The following MED13L variants were observed in gnomAD, a reference collection of about 807,000 sequenced individuals.
MED13L encodes mediator of RNA polymerase II transcription subunit 13-like.
A neutral mutation model predicts 220.9 loss-of-function variants in MED13L; 7 were observed. The observed-to-expected ratio is 0.03, with a 90% CI of 0.02 to 0.06. MED13L has a LOEUF of 0.06. MED13L is among the 10% of genes least tolerant of loss of function. The probability of loss-of-function intolerance (pLI) is 1.00; values close to 1 mark genes in which losing one functional copy is unlikely to be tolerated. For missense variants in MED13L, 1,965 were observed against 2,760.5 expected, an observed-to-expected ratio of 0.71 and a Z score of 6.46; for synonymous variants, 1,011 against 1,015.2, an observed-to-expected ratio of 1.00 and a Z score of 0.08.
chr12:116,225,342 G>A (rs1593183701), intron 2 of MED13L, among the ~76,000 whole-genome samples: 1 of 152,078 alleles, frequency 6.6e-6, no homozygotes, highest in Non-Finnish European at 1.5e-5. Context: ...AGTTAATAAA[G>A]CCTTTACCAT....
intron 3 of MED13L, among the ~76,000 whole-genome samples, chr12:116,109,053 T>A (rs1474597677): frequency 2.1e-5 from 3 of 146,038 alleles, no homozygotes; most frequent in Non-Finnish European, 3.0e-5. Context: ...ATGTCATAAT[T>A]AATTTCCTTT....
In MED13L at chr12:116,122,100, TA is replaced by T. The variant is rs962255740; in HGVS notation, c.311-10589del. Among the ~76,000 whole-genome samples the T allele has an allele frequency of 5.0e-3, 737 of 148,668 alleles. 4 individuals carry two copies. Among genetic ancestry groups the T allele is most frequent in the African/African-American group, 0.016 (643 of 40,686 alleles). ...AACATATAAAACGCATCGTAGTGTT[TA>T]AAAAAAAAAATCTTCTGAATTATTA... On this transcript the variant is annotated intron_variant, in intron 2 of 30. Coordinates refer to ENST00000281928, the MANE Select transcript of MED13L (RefSeq NM_015335.5).
intron 4 of MED13L, among the ~76,000 whole-genome samples, chr12:116,076,732 A>G (rs575468079): frequency 1.6e-3 from 251 of 152,132 alleles, no homozygotes; most frequent in Admixed American, 2.4e-3. Flanking sequence ...TTTTAAAGCT[A>G]TTTTTTTAAT....
intron 1 of MED13L, among the ~76,000 whole-genome samples, chr12:116,238,922 C>A (rs1405529232): frequency 1.3e-5 from 2 of 152,098 alleles, no homozygotes; most frequent in South Asian, 4.1e-4. Context: ...TGCTGAAACC[C>A]CGTCTCCACT....
chr12:115,980,027 T>C (rs543624758), intron 23 of MED13L, among the ~76,000 whole-genome samples: 4 of 152,208 alleles, frequency 2.6e-5, no homozygotes, highest in Admixed American at 6.5e-5. Context: ...CCTCTAAGTA[T>C]GTGCATCACA....
At chr12:116,145,903 G>A (rs764778058) in intron 2 of MED13L, among the ~76,000 whole-genome samples, 8 of 151,836 alleles carry the variant, frequency 5.3e-5, no homozygotes, top group East Asian at 1.9e-4. Context: ...TGCTTTAATC[G>A]TATGTTCCAG....
At chr12:116,041,629 G>A (rs1015046147) in intron 4 of MED13L, among the ~76,000 whole-genome samples, 2 of 152,186 alleles carry the variant, frequency 1.3e-5, no homozygotes, top group African/African-American at 4.8e-5. Context: ...TGGATCATAA[G>A]GTCAGGAGAT....
intron 2 of MED13L, among the ~76,000 whole-genome samples, chr12:116,113,192 T>C (rs2137907727): frequency 6.6e-6 from 1 of 152,332 alleles, no homozygotes; most frequent in East Asian, 1.9e-4. Flanking sequence ...TGCAGTATCT[T>C]CCTACATAAT....
chr12:116,239,763 C>T (rs1870446723), intron 1 of MED13L, among the ~76,000 whole-genome samples: 2 of 152,154 alleles, frequency 1.3e-5, no homozygotes, highest in South Asian at 4.1e-4. Context: ...TAATAGTCTC[C>T]CCAATACAAA....
At chr12:116,059,131 G>A (rs755036331) in intron 4 of MED13L, among the ~76,000 whole-genome samples, 62 of 152,112 alleles carry the variant, frequency 4.1e-4, no homozygotes, top group Admixed American at 3.6e-3. Flanking sequence ...GCAGTCACGC[G>A]ATCATGGCTC....
At chr12:116,098,827 T>C (rs181908873) in intron 3 of MED13L, among the ~76,000 whole-genome samples, 3 of 151,986 alleles carry the variant, frequency 2.0e-5, no homozygotes, top group East Asian at 3.9e-4. Context: ...ATTTAGAAAA[T>C]AGGAAATATG....
chr12:116,232,180 TTA>T lies in MED13L; in HGVS notation c.310+5286_310+5287del, dbSNP rs144152273. On this transcript the variant is annotated intron_variant, in intron 2 of 30. Transcript: ENST00000281928. ...CTCTTAAAAATAGAAAAAGCAATAT[TTA>T]TGTCTCTAAATTCACAACAAAGGGT... 40 of 969,548 alleles carry T rather than the reference TTA, an allele frequency of 4.1e-5. No homozygotes were observed. In the African/African-American group the frequency reaches 6.5e-4, roughly 16 times the overall value. The allele number at this position is 969,548 out of a possible 1,614,324, so 60.1% of individuals were successfully genotyped here.
At chr12:115,968,062 C>CCCA (rs1555240712) in intron 28 of MED13L, among the ~76,000 whole-genome samples, 1 of 134,122 alleles carries the variant, frequency 7.5e-6, no homozygotes, top group East Asian at 2.3e-4. Flanking sequence ...GTCCCCCCCC[C>CCCA]CCCCCGATGA....
chr12:116,186,283 C>A (rs1188319690), intron 2 of MED13L, among the ~76,000 whole-genome samples: 2 of 152,056 alleles, frequency 1.3e-5, no homozygotes, highest in East Asian at 3.9e-4. Context: ...CCCTGCAAAC[C>A]GATCACATCT....
At chr12:116,185,682 T>G (rs1880844314) in intron 2 of MED13L, among the ~76,000 whole-genome samples, 1 of 91,242 alleles carries the variant, frequency 1.1e-5, no homozygotes, top group African/African-American at 4.5e-5. Flanking sequence ...TCTTTTCTTT[T>G]CTTTTCTTTT....
chr12:116,253,315 AC>A (rs1162392174), intron 1 of MED13L, among the ~76,000 whole-genome samples: 1 of 151,272 alleles, frequency 6.6e-6, no homozygotes, highest in Non-Finnish European at 1.5e-5. Context: ...ATGGTTTCAA[AC>A]CTTCCCACAA....
chr12:116,082,716 T>C (rs544761211), intron 4 of MED13L: 9 of 152,236 alleles, frequency 5.9e-5, no homozygotes, highest in African/African-American at 2.2e-4. Flanking sequence ...CCATATTATA[T>C]GTGAAATATT....
chr12:116,019,723 A>AG, intron 6 of MED13L, 55 bp downstream of exon 6: 1 of 1,536,912 alleles, frequency 6.5e-7, no homozygotes, highest in Non-Finnish European at 9.0e-7. Context: ...TTATCTTTTT[A>AG]AATTAAGGAA....
intron 2 of MED13L, among the ~76,000 whole-genome samples, chr12:116,193,663 A>T (rs563534213): frequency 3.5e-5 from 5 of 144,714 alleles, no homozygotes; most frequent in East Asian, 1.9e-4. Context: ...ATTTTTGTTT[A>T]AAAAAAAAGG....
Sources: allele counts gnomAD v4.1 joint callset (sites outside exome capture counted in the v4.1 genomes callset), GRCh38; gene constraint gnomAD v4.1.1; transcripts MANE v1.5; gene names NCBI Gene and HGNC (gene_info 2026-07-23, HGNC 2026-07-21).